Variants in TRAF2 observed in about 807,000 individuals in gnomAD.
TRAF2 encodes the protein TNF receptor associated factor 2.
In TRAF2, 6 loss-of-function variants were observed where a neutral mutation model predicts 55.6. The observed-to-expected ratio is 0.11, with a 90% confidence interval of 0.06 to 0.21. The LOEUF is 0.21. Among genes scored for constraint, TRAF2 ranks in the 10% least tolerant of loss-of-function variants. The probability of loss-of-function intolerance (pLI) is 1.00; values close to 1 mark genes in which losing one functional copy is unlikely to be tolerated. For missense variants in TRAF2, 561 were observed against 684.5 expected (o/e 0.82, Z 2.01); for synonymous variants, 329 against 276.3 (o/e 1.19, Z -1.89).
intron 6 of TRAF2, among the ~76,000 whole-genome samples, chr9:136,916,324 TCA>T (rs1159857054): frequency 6.6e-6 from 1 of 152,078 alleles, no homozygotes; most frequent in Non-Finnish European, 1.5e-5. Context: ...CTTGCCCATC[TCA>T]GTTACTGGCA....
At chr9:136,922,937 A>T (rs1850430537) in intron 9 of TRAF2, among the ~76,000 whole-genome samples, 1 of 140,772 alleles carries the variant, frequency 7.1e-6, no homozygotes, top group Non-Finnish European at 1.5e-5. Context: ...GAGGACGAGG[A>T]TGGGGAGGAT....
rs753315650 is a variant in TRAF2 at position 136,899,577 on chromosome 9, C to T, written c.189-17C>T. On this transcript the variant is annotated splice_polypyrimidine_tract_variant and intron_variant, in intron 2 of 10. Coordinates refer to ENST00000247668, the MANE Select transcript of TRAF2 (RefSeq NM_021138.4). ...AGGTTTCACAGTGGGTTGTTTTTTG[C>T]CTTTTTTCCCCACTAGCTCTGGGCC... 3 of 1,595,604 alleles carry T rather than the reference C, an allele frequency of 1.9e-6. No individual in the cohort carries two copies. Among genetic ancestry groups the T allele is most frequent in the Admixed American group, 1.8e-5 (1 of 57,004 alleles).
upstream of TRAF2, among the ~76,000 whole-genome samples, chr9:136,882,376 C>A (rs1259124249): frequency 6.6e-6 from 1 of 152,226 alleles, no homozygotes; most frequent in Non-Finnish European, 1.5e-5. Flanking sequence ...CTGTGGGGTC[C>A]TCCCTGGCCA....
At position 136,900,483 on chromosome 9, in the gene TRAF2, A is replaced by T. The variant is rs772734892; in HGVS notation, c.329A>T (p.Asp110Val). The T allele has an allele frequency of 6.2e-7, 1 of 1,613,890 alleles. No individual in the cohort carries two copies. Among genetic ancestry groups the T allele is most frequent in the Non-Finnish European group, 8.5e-7 (1 of 1,179,890 alleles). Residue 110 changes from aspartate to valine, a missense_variant, in exon 4 of 11, where the codon GAT (aspartate) becomes GTT (valine). Coordinates refer to ENST00000247668, the MANE Select transcript of TRAF2 (RefSeq NM_021138.4). ...VESLPAVCPSDGCTWKGTLKE... is the reference protein window; with the variant it reads ...VESLPAVCPSVGCTWKGTLKE... ...AGCCTGCCGGCCGTCTGTCCCAGTG[A>T]TGGATGCACCTGGAAGGGGACCCTG...
chr9:136,884,623 C>G (rs1425696054), upstream of TRAF2, among the ~76,000 whole-genome samples: 1 of 152,192 alleles, frequency 6.6e-6, no homozygotes, highest in Non-Finnish European at 1.5e-5. Context: ...GTGGTGCAAC[C>G]ACAGCTCACT....
At chr9:136,925,521 A>G (rs1209839837) in intron 10 of TRAF2, among the ~76,000 whole-genome samples, 162 bp from the exon 11 acceptor site, 1 of 151,820 alleles carries the variant, frequency 6.6e-6, no homozygotes, top group Non-Finnish European at 1.5e-5. Flanking sequence ...GCGCTGTGGC[A>G]GGAGCAAGGC....
intron 7 of TRAF2, 155 bp downstream of exon 7, chr9:136,916,770 T>G (rs1404003183): frequency 1.2e-5 from 9 of 731,384 alleles, no homozygotes; most frequent in Non-Finnish European, 2.1e-5. Context: ...TGTTCCCAGC[T>G]TGGTCTCTGG....
At chr9:136,910,972 C>T (rs1455110198) in intron 6 of TRAF2, among the ~76,000 whole-genome samples, 1 of 152,222 alleles carries the variant, frequency 6.6e-6, no homozygotes, top group Non-Finnish European at 1.5e-5. Flanking sequence ...CTTCAGAGGC[C>T]AGGACGCCTG....
At chr9:136,924,109 G>C in intron 10 of TRAF2, 109 bp downstream of exon 10, 1 of 1,378,050 alleles carries the variant, frequency 7.3e-7, no homozygotes, top group Non-Finnish European at 9.8e-7. Flanking sequence ...GGGCTCGCTG[G>C]ACCAGGTGTC....
In TRAF2 at chr9:136,898,609, G is replaced by T. The variant is rs191964384; in HGVS notation, c.-28-104G>T. On this transcript the variant is annotated intron_variant, in intron 1 of 10. Coordinates refer to ENST00000247668, the MANE Select transcript of TRAF2 (RefSeq NM_021138.4). ...TGAGTCTTGACCGCAGGTCAGTGGG[G>T]ACCCGGCCCCTCACCATCGCCTGCT... is the stretch of plus-strand genomic sequence containing the variant. 6.6e-6 allele frequency: 10 copies of T among 1,506,340 alleles called. No individual in the cohort carries two copies. In the East Asian group the frequency reaches 2.4e-4, roughly 36 times the overall value. 93.3% of individuals were successfully genotyped at this position (1,506,340 alleles called of 1,614,324 possible).
Position 136,903,572 on chromosome 9 carries a change from G to A in TRAF2, c.366+3052G>A, listed in dbSNP as rs17243900. On this transcript the variant is annotated intron_variant, in intron 4 of 10. Transcript: ENST00000247668. Reference sequence around the variant, plus strand: ...TTTAAACTGTGTCTGCTGTGGGTGGGGAGAAGACTGAGACAGATGGTGCTG... The same window carrying A: ...TTTAAACTGTGTCTGCTGTGGGTGGAGAGAAGACTGAGACAGATGGTGCTG... Among the ~76,000 whole-genome samples, 612 of 152,140 alleles carry A rather than the reference G, an allele frequency of 4.0e-3. 5 individuals carry two copies. The highest frequency in any genetic ancestry group is 0.014 in the African/African-American group (599 of 41,490).
intron 1 of TRAF2, among the ~76,000 whole-genome samples, chr9:136,897,411 C>T (rs1371340595): frequency 1.3e-5 from 2 of 152,202 alleles, no homozygotes; most frequent in Admixed American, 6.5e-5. Flanking sequence ...AGGGCTGGCA[C>T]ATGGAGGGCT....
Position 136,916,630 on chromosome 9 carries a change from C to G in TRAF2, c.678+15C>G. 1 of 1,613,220 alleles carries G rather than the reference C, an allele frequency of 6.2e-7. No individual in the cohort carries two copies. Among genetic ancestry groups the G allele is most frequent in the Non-Finnish European group, 8.5e-7 (1 of 1,179,756 alleles). On this transcript the variant is annotated intron_variant, in intron 7 of 10. Coordinates refer to ENST00000247668, the MANE Select transcript of TRAF2 (RefSeq NM_021138.4). Reference sequence around the variant, plus strand: ...GCCTCGAGACGGTGAGTCGGGGGGTCTGAGGTTGGGGGCCACCCCTCATCC... The same window carrying G: ...GCCTCGAGACGGTGAGTCGGGGGGTGTGAGGTTGGGGGCCACCCCTCATCC...
At chr9:136,911,837 C>G (rs1465325173) in intron 6 of TRAF2, among the ~76,000 whole-genome samples, 4 of 112,634 alleles carry the variant, frequency 3.6e-5, no homozygotes. Context: ...TTGGGATTTT[C>G]TCTTATCTCT....
At position 136,923,861 on chromosome 9, in the gene TRAF2, CCAG is replaced by C; in HGVS notation, c.1152_1154del (p.Ser384del). ...CCTCCTGCCTCCCCAGCCTTCTACA[CCAG>C]CAGGTACGGCTACAAGATGTGTCTG... On this transcript the variant is annotated inframe_deletion, in exon 10 of 11. Transcript: ENST00000247668. 6.2e-7 allele frequency: 1 copy of C among 1,613,570 alleles called. No homozygotes were observed. Among genetic ancestry groups the C allele is most frequent in the Non-Finnish European group, 8.5e-7 (1 of 1,179,878 alleles).
intron 4 of TRAF2, among the ~76,000 whole-genome samples, chr9:136,906,211 C>T (rs753982962): frequency 1.6e-4 from 25 of 152,100 alleles, no homozygotes; most frequent in East Asian, 3.9e-4. Context: ...GTGCTGATGT[C>T]GAGGCTGCAG....
Position 136,920,301 on chromosome 9 carries a change from G to C in TRAF2, c.746G>C (p.Ser249Thr). 6.2e-7 allele frequency: 1 copy of C among 1,613,888 alleles called. No individual in the cohort carries two copies. Among genetic ancestry groups the C allele is most frequent in the Non-Finnish European group, 8.5e-7 (1 of 1,180,040 alleles). Residue 249 changes from serine to threonine, a missense_variant, in exon 8 of 11, where the codon AGC becomes ACC. Physicochemically the swap from Ser to Thr is moderately conservative, Grantham distance 58. Coordinates refer to ENST00000247668, the MANE Select transcript of TRAF2 (RefSeq NM_021138.4). ...WLREHLAMLL[S>T]SVLEAKPLLG... The stretch of plus-strand genomic sequence containing the variant: ...CGGGAGCACCTGGCCATGCTACTGA[G>C]CTCGGTGCTGGAGGCAAAGCCCCTC...
chr9:136,914,657 T>G (rs556775819), intron 6 of TRAF2, among the ~76,000 whole-genome samples: 32 of 152,322 alleles, frequency 2.1e-4, no homozygotes, highest in African/African-American at 6.5e-4. Flanking sequence ...AAGTCGTGGT[T>G]CCTGTTGACA....
rs1333266985 is a variant in TRAF2 at position 136,923,958 on chromosome 9, G to A, written c.1245G>A (p.Lys415=). The A allele has an allele frequency of 6.2e-7, 1 of 1,613,956 alleles. No homozygotes were observed. Among genetic ancestry groups the A allele is most frequent in the South Asian group, 1.1e-5 (1 of 91,072 alleles). ...TGTCCCTCTTCTTTGTGGTGATGAA[G>A]GGCCCGAATGACGCCCTGCTGCGGT... ...THLSLFFVVM[K]GPNDALLRWP... Residue 415 remains lysine, a synonymous_variant, in exon 10 of 11, where the codon AAG becomes AAA. Coordinates refer to ENST00000247668, the MANE Select transcript of TRAF2 (RefSeq NM_021138.4).
Sources: gnomAD v4.1 joint callset for allele counts (sites outside exome capture counted in the v4.1 genomes callset) on GRCh38, gnomAD v4.1.1 for gene constraint, MANE v1.5 for transcripts, NCBI Gene and HGNC (gene_info 2026-07-23, HGNC 2026-07-21) for gene names.